GREB1: variants seen among roughly 807,000 people sequenced by gnomAD.
GREB1 encodes growth regulating estrogen receptor binding 1.
Under a neutral mutation model 200.7 loss-of-function variants are expected in GREB1, and 106 were observed. That is an observed-to-expected ratio of 0.53 (90% CI 0.45 to 0.62). The LOEUF (loss-of-function observed/expected upper bound fraction) is 0.62, where lower values mean the gene tolerates loss of function less well. Ranked by LOEUF, GREB1 falls within the 20% of genes least tolerant of loss-of-function variation. GREB1 has a pLI of 0.00. For missense variants in GREB1, 2,243 were observed against 2,556.8 expected (o/e 0.88, Z 2.65); for synonymous variants, 1,132 against 1,092.4 (o/e 1.04, Z -0.72).
chr2:11,592,739 C>T, intron 10 of GREB1, 37 bp from the exon 11 acceptor site: 3 of 1,367,780 alleles, frequency 2.2e-6, no homozygotes, highest in Non-Finnish European at 2.9e-6. Context: ...ATGCCGCTGG[C>T]ATTTGTGGCA....
chr2:11,578,220 G>A (rs574573376), intron 5 of GREB1, 77 bp from the exon 6 acceptor site: 275 of 1,493,938 alleles, frequency 1.8e-4, no homozygotes, highest in Admixed American at 2.4e-4. Context: ...TGTAGGACAC[G>A]TTCCACTCCA....
intron 1 of GREB1, among the ~76,000 whole-genome samples, chr2:11,528,357 T>C (rs1673955639): frequency 6.6e-6 from 1 of 152,260 alleles, no homozygotes; most frequent in Non-Finnish European, 1.5e-5. Context: ...TCGTTGAAAG[T>C]AGCAGAATTA....
At chr2:11,594,796 C>T (rs1681057453) in intron 11 of GREB1, among the ~76,000 whole-genome samples, 1 of 151,938 alleles carries the variant, frequency 6.6e-6, no homozygotes, top group South Asian at 2.1e-4. Flanking sequence ...GGGTTCACAC[C>T]ATTCTCCTGC....
intron 4 of GREB1, among the ~76,000 whole-genome samples, chr2:11,568,230 C>T (rs1677887000): frequency 6.6e-6 from 1 of 152,174 alleles, no homozygotes; most frequent in South Asian, 2.1e-4. Context: ...TAAACTCACT[C>T]CACGGGTAGT....
chr2:11,525,608 A>T (rs1673847420), intron 1 of GREB1, among the ~76,000 whole-genome samples: 1 of 151,984 alleles, frequency 6.6e-6, no homozygotes. Flanking sequence ...TGGCCAAGAC[A>T]TGGGAGGCTA....
chr2:11,589,493 CAG>C (rs1275221186), intron 10 of GREB1, among the ~76,000 whole-genome samples: 3 of 152,104 alleles, frequency 2.0e-5, no homozygotes. Context: ...GTAGCTGTAG[CAG>C]AGAGAGGGTG....
intron 1 of GREB1, among the ~76,000 whole-genome samples, chr2:11,509,169 C>T (rs1673280730): frequency 2.0e-5 from 3 of 152,132 alleles, no homozygotes; most frequent in Admixed American, 1.3e-4. Flanking sequence ...CCACCGCGCC[C>T]GGCCCCAGAT....
At position 11,595,396 on chromosome 2, in the gene GREB1, A is replaced by G. The variant is rs768905941; in HGVS notation, c.1825+17A>G. 6.2e-7 allele frequency: 1 copy of G among 1,610,890 alleles called. No homozygotes were observed. Among genetic ancestry groups the G allele is most frequent in the Non-Finnish European group, 8.5e-7 (1 of 1,177,934 alleles). On this transcript the variant is annotated intron_variant, in intron 12 of 32. Coordinates refer to ENST00000381486, the MANE Select transcript of GREB1 (RefSeq NM_014668.4). Reference sequence around the variant, plus strand: ...TCTGTCCAGGTAGGCTTGTCGTGAGACAGGTGCACATGCGTATGTTAATAG... The same window carrying G: ...TCTGTCCAGGTAGGCTTGTCGTGAGGCAGGTGCACATGCGTATGTTAATAG...
intron 1 of GREB1, among the ~76,000 whole-genome samples, chr2:11,543,040 A>T (rs1290158063): frequency 6.6e-6 from 1 of 152,062 alleles, no homozygotes; most frequent in Non-Finnish European, 1.5e-5. Flanking sequence ...TTCCTCGTCT[A>T]CTGTCTCTTT....
At position 11,629,568 on chromosome 2, in the gene GREB1, A is replaced by G. The variant is rs568852942; in HGVS notation, c.4450-380A>G. Among the ~76,000 whole-genome samples the G allele has an allele frequency of 1.1e-4, 17 of 152,334 alleles. No homozygotes were observed. Among genetic ancestry groups the G allele is most frequent in the Non-Finnish European group, 1.5e-4 (10 of 68,044 alleles). On this transcript the variant is annotated intron_variant, in intron 25 of 32. Coordinates refer to ENST00000381486, the MANE Select transcript of GREB1 (RefSeq NM_014668.4). The surrounding 1 kb of genome is among the most constrained non-coding windows in gnomAD (Gnocchi z 5.2). ...TAATATGTGATTGCATGTAACTGTG[A>G]TGGAGAAATACATTTATTAGAATTA...
intron 1 of GREB1, among the ~76,000 whole-genome samples, chr2:11,501,709 T>C (rs1673042224): frequency 1.3e-5 from 2 of 152,026 alleles, no homozygotes; most frequent in Non-Finnish European, 2.9e-5. Context: ...GCTGTTTTTA[T>C]ATGCTGTTTT....
rs1413167287 is a variant in GREB1, at chr2:11,633,185, G to A, written c.4991+122G>A. On this transcript the variant is annotated intron_variant, in intron 28 of 32. Coordinates refer to ENST00000381486, the MANE Select transcript of GREB1 (RefSeq NM_014668.4). The surrounding 1 kb of genome is among the most constrained non-coding windows in gnomAD (Gnocchi z 4.1). ...CCGGAGGGCCTCTCATAGTAGAAGG[G>A]GTGGTTGTGGTTGTGGTTCCCAGAG... is the stretch of plus-strand genomic sequence containing the variant. 3.2e-6 allele frequency: 3 copies of A among 931,874 alleles called. No individual in the cohort carries two copies. Among genetic ancestry groups the A allele is most frequent in the African/African-American group, 1.6e-5 (1 of 61,792 alleles). The allele number at this position is 931,874 out of a possible 1,614,324, so 57.7% of individuals were successfully genotyped here.
chr2:11,632,894 G>A lies in GREB1; in HGVS notation c.4822G>A (p.Ala1608Thr), dbSNP rs750399962. 1.4e-5 allele frequency: 23 copies of A among 1,613,706 alleles called. No individual in the cohort carries two copies. Among genetic ancestry groups the A allele is most frequent in the Non-Finnish European group, 1.9e-5 (22 of 1,179,790 alleles). Reference protein sequence around the residue: ...SIFNSAGVGAAHFLIKELSYH... With the variant: ...SIFNSAGVGATHFLIKELSYH... ...AGGTGCTTTGCCCACTGCAGGTGCT[G>A]CTCATTTCCTCATCAAGGAGCTGTC... Residue 1608 changes from alanine to threonine, a missense_variant, in exon 28 of 33, where the codon GCT becomes ACT. Physicochemically the swap from Ala to Thr is moderately conservative, Grantham distance 58. Transcript: ENST00000381486.
chr2:11,620,784 C>T, intron 22 of GREB1, 121 bp from the exon 23 acceptor site: 1 of 649,638 alleles, frequency 1.5e-6, no homozygotes, highest in African/African-American at 1.8e-5. Flanking sequence ...ACAGGGTTCT[C>T]ATTTTAAAGA....
chr2:11,614,374 G>A lies in GREB1; in HGVS notation c.3123-717G>A, dbSNP rs533831894. Among the ~76,000 whole-genome samples the A allele has an allele frequency of 2.8e-4, 42 of 152,124 alleles. No homozygotes were observed. The South Asian group carries it at 4.2e-3, about 15-fold the overall frequency. On this transcript the variant is annotated intron_variant, in intron 19 of 32. Transcript: ENST00000381486. Reference sequence around the variant, plus strand: ...ACTCCTGACCTCAAGTGATCGGCCCGCCTTCGCCTCTCAAAGTGCTGGGAT... The same window carrying A: ...ACTCCTGACCTCAAGTGATCGGCCCACCTTCGCCTCTCAAAGTGCTGGGAT...
intron 4 of GREB1, among the ~76,000 whole-genome samples, chr2:11,571,453 G>T (rs1437534925): frequency 6.6e-6 from 1 of 152,200 alleles, no homozygotes; most frequent in Non-Finnish European, 1.5e-5. Flanking sequence ...AGTACTTCCT[G>T]CCTTGGGGCT....
intron 29 of GREB1, among the ~76,000 whole-genome samples, chr2:11,634,808 G>A (rs115516798): frequency 0.013 from 2,038 of 152,258 alleles, 43 homozygotes; most frequent in African/African-American, 0.046. Flanking sequence ...GACTGACTGC[G>A]CCTCCAAGAA....
chr2:11,581,971 C>T (rs1021169234), intron 7 of GREB1, among the ~76,000 whole-genome samples: 9 of 152,228 alleles, frequency 5.9e-5, no homozygotes, highest in African/African-American at 2.2e-4. Flanking sequence ...CCCACAGCAG[C>T]CAAGACCCAG....
intron 1 of GREB1, among the ~76,000 whole-genome samples, chr2:11,523,767 G>A (rs1180056478): frequency 7.2e-5 from 11 of 152,020 alleles, no homozygotes; most frequent in Non-Finnish European, 1.6e-4. Context: ...TCATAGACAG[G>A]CCATGGGAGG....
Sources: gnomAD v4.1 joint callset for allele counts (sites outside exome capture counted in the v4.1 genomes callset) on GRCh38, gnomAD v4.1.1 for gene constraint, Gnocchi (gnomAD v3.1) non-coding constraint, MANE v1.5 for transcripts, NCBI Gene and HGNC (gene_info 2026-07-23, HGNC 2026-07-21) for gene names.